Variants in CLIC5 observed in about 807,000 individuals in gnomAD.
The protein encoded by CLIC5 is chloride intracellular channel protein 5.
CLIC5 carries 20 observed loss-of-function variants against 24.7 expected under a neutral mutation model. That is an observed-to-expected ratio of 0.81 (90% confidence interval 0.57 to 1.18). CLIC5 has a LOEUF of 1.18. Among genes scored for constraint, CLIC5 ranks in the 50% most tolerant of loss-of-function variants. The pLI, the probability that CLIC5 is intolerant of heterozygous loss-of-function variation, is 0.00. For synonymous variants in CLIC5, 159 were observed against 135.6 expected (o/e 1.17, Z -1.20); for missense variants, 341 against 326.1 (o/e 1.05, Z -0.35).
chr6:46,095,014 G>T, the CLIC5 span, among the ~76,000 whole-genome samples: 1 of 152,214 alleles, frequency 6.6e-6, no homozygotes, highest in Non-Finnish European at 1.5e-5. Flanking sequence ...AACACCACGT[G>T]GATGCCACCA....
downstream of CLIC5, among the ~76,000 whole-genome samples, chr6:45,894,795 T>TA (rs2127285603): frequency 6.6e-6 from 1 of 152,330 alleles, no homozygotes; most frequent in South Asian, 2.1e-4. Flanking sequence ...GTTTATAATG[T>TA]AAAAGCTTTG....
At position 45,905,805 on chromosome 6, in the gene CLIC5, A is replaced by C. The variant is rs111912582; in HGVS notation, c.589-2550T>G. ...CATCATAAATTACTTCCCAAAACTG[A>C]TGTACAGAATGTTTCCTGGTTTTCT... On this transcript the variant is annotated intron_variant, in intron 5 of 5. Transcript: ENST00000339561. 4.7e-3 allele frequency among the ~76,000 whole-genome samples: 715 copies of C among 152,244 alleles called. 6 individuals carry two copies. Among genetic ancestry groups the C allele is most frequent in the Middle Eastern group, 0.01 (3 of 294 alleles).
rs374133282 is a variant in CLIC5 at position 45,965,477 on chromosome 6, C to A, written c.64-10233G>T. On this transcript the variant is annotated intron_variant, in intron 1 of 5. Transcript: ENST00000339561. ...TTTATTGGAAGCCTTTGTGTTCTCTCAACATCCGGAAACATTTTCACAGCT... is the reference window on the plus strand; with the variant it reads ...TTTATTGGAAGCCTTTGTGTTCTCTAAACATCCGGAAACATTTTCACAGCT... Among the ~76,000 whole-genome samples, 5 of 152,316 alleles carry A rather than the reference C, an allele frequency of 3.3e-5. No homozygotes were observed. In the East Asian group the frequency reaches 7.7e-4, roughly 24 times the overall value.
intron 4 of CLIC5, 56 bp from the exon 5 acceptor site, chr6:45,914,465 C>A: frequency 1.4e-6 from 2 of 1,472,378 alleles, no homozygotes; most frequent in South Asian, 3.1e-5. Context: ...TGGATACAGT[C>A]ATAGGGTCTT....
intron 1 of CLIC5, among the ~76,000 whole-genome samples, chr6:45,975,970 A>AC (rs1358514669): frequency 1.3e-5 from 2 of 152,192 alleles, no homozygotes; most frequent in African/African-American, 4.8e-5. Flanking sequence ...TGGAAAAAAA[A>AC]CCACCAGACT....
chr6:46,094,394 T>C, the CLIC5 span, among the ~76,000 whole-genome samples: 3 of 152,302 alleles, frequency 2.0e-5, no homozygotes, highest in Non-Finnish European at 2.9e-5. Flanking sequence ...ACAAGGGTAG[T>C]CCCTTCCACC....
At chr6:46,062,612 G>C (rs1248434403) in intron 1 of CLIC5, among the ~76,000 whole-genome samples, 2 of 152,274 alleles carry the variant, frequency 1.3e-5, no homozygotes, top group Middle Eastern at 3.4e-3. Flanking sequence ...GTCCTCACAA[G>C]ATTGCACAAA....
At chr6:46,105,483 C>T in the CLIC5 span, among the ~76,000 whole-genome samples, 2 of 151,910 alleles carry the variant, frequency 1.3e-5, no homozygotes, top group African/African-American at 2.4e-5. Context: ...GTGCTTGGTT[C>T]CTCTGTTCTT....
chr6:46,122,731 A>G, the CLIC5 span, among the ~76,000 whole-genome samples: 2 of 152,212 alleles, frequency 1.3e-5, no homozygotes, highest in African/African-American at 4.8e-5. Flanking sequence ...AGATGCAATA[A>G]AAAATGATAA....
chr6:45,885,244 C>T (rs1038596074), intron 6 of CLIC5, among the ~76,000 whole-genome samples: 2 of 152,150 alleles, frequency 1.3e-5, no homozygotes, highest in Non-Finnish European at 2.9e-5. Context: ...AGCTCTCTCG[C>T]CCTGTTTCTA....
intron 6 of CLIC5, among the ~76,000 whole-genome samples, chr6:45,887,098 A>G (rs1421483467): frequency 6.6e-6 from 1 of 152,220 alleles, no homozygotes; most frequent in Non-Finnish European, 1.5e-5. Flanking sequence ...GTCTGGGAAT[A>G]TGTGGCAACA....
chr6:45,922,841 G>T (rs1022974859), intron 4 of CLIC5, among the ~76,000 whole-genome samples: 13 of 151,836 alleles, frequency 8.6e-5, no homozygotes, highest in Non-Finnish European at 1.3e-4. Flanking sequence ...GAGATAGAGA[G>T]AGAGAGAGAG....
At chr6:46,006,804 T>C (rs1483194343) in intron 1 of CLIC5, among the ~76,000 whole-genome samples, 8 of 151,780 alleles carry the variant, frequency 5.3e-5, no homozygotes, top group Non-Finnish European at 1.2e-4. Context: ...GTCTCCTAAG[T>C]AGCTGGGGCT....
At chr6:45,904,713 C>T (rs1762607644) in intron 5 of CLIC5, among the ~76,000 whole-genome samples, 1 of 104,440 alleles carries the variant, frequency 9.6e-6, no homozygotes, top group African/African-American at 3.9e-5. Context: ...CTTTCTCTCA[C>T]TCTCTCTCTC....
chr6:46,045,759 T>C (rs1260244130), intron 1 of CLIC5, among the ~76,000 whole-genome samples: 4 of 152,158 alleles, frequency 2.6e-5, no homozygotes, highest in African/African-American at 7.2e-5. Context: ...ATTATAAATA[T>C]TTTTTATTTT....
chr6:46,070,621 C>G (rs1762567898), intron 1 of CLIC5, among the ~76,000 whole-genome samples: 1 of 152,064 alleles, frequency 6.6e-6, no homozygotes, highest in Non-Finnish European at 1.5e-5. Context: ...CAAGGAGAAT[C>G]AATATCATTA....
chr6:45,924,390 TC>T (rs1763394839), intron 4 of CLIC5, among the ~76,000 whole-genome samples: 2 of 152,210 alleles, frequency 1.3e-5, no homozygotes, highest in Non-Finnish European at 2.9e-5. Flanking sequence ...TCCCCCTTGC[TC>T]AGAGCAGTTC....
intron 5 of CLIC5, 63 bp downstream of exon 5, chr6:45,914,165 C>A: frequency 1.4e-6 from 2 of 1,380,410 alleles, no homozygotes. Flanking sequence ...CTCATCCACA[C>A]AGGTGACCTG....
the CLIC5 span, among the ~76,000 whole-genome samples, chr6:46,095,187 C>T: frequency 0.29 from 44,720 of 151,810 alleles, 7,377 homozygotes; most frequent in Middle Eastern, 0.45. Flanking sequence ...TTCCCTCCTA[C>T]GCCTCCAGGT....
Sources: allele counts gnomAD v4.1 joint callset (sites outside exome capture counted in the v4.1 genomes callset), GRCh38; gene constraint gnomAD v4.1.1; transcripts MANE v1.5; gene names NCBI Gene and HGNC (gene_info 2026-07-23, HGNC 2026-07-21).